The following PTGER3 variants were observed in gnomAD, a reference collection of about 807,000 sequenced individuals.
PTGER3 encodes the protein prostaglandin E receptor 3, also known as prostaglandin E2 receptor EP3 subtype.
A neutral mutation model predicts 34.7 loss-of-function variants in PTGER3; 22 were observed. The ratio of observed to expected loss-of-function variants is 0.63; its 90% CI spans 0.45 to 0.91. The LOEUF (loss-of-function observed/expected upper bound fraction) is 0.91. Ranked by LOEUF, PTGER3 falls within the 40% of genes least tolerant of loss-of-function variation. The probability of loss-of-function intolerance (pLI) is 0.00; values close to 1 mark genes in which losing one functional copy is unlikely to be tolerated. For synonymous variants in PTGER3, 241 were observed against 230.1 expected, an observed-to-expected ratio of 1.05 and a Z score of -0.43; for missense variants, 468 against 519.4, an observed-to-expected ratio of 0.90 and a Z score of 0.96.
At chr1:70,923,635 T>C (rs551967537) in intron 4 of PTGER3, among the ~76,000 whole-genome samples, 1 of 152,326 alleles carries the variant, frequency 6.6e-6, no homozygotes, top group East Asian at 1.9e-4. Context: ...TCTAAAGTAA[T>C]CTTTTAAATT....
chr1:70,870,773 G>A (rs910851764), intron 4 of PTGER3, among the ~76,000 whole-genome samples: 2 of 152,170 alleles, frequency 1.3e-5, no homozygotes, highest in African/African-American at 2.4e-5. Flanking sequence ...GGAATAACAA[G>A]GGTGACCTTT....
At chr1:71,008,835 T>C (rs1370382518) in intron 2 of PTGER3, 5 of 959,166 alleles carry the variant, frequency 5.2e-6, no homozygotes, top group Non-Finnish European at 5.0e-6. Context: ...AAATTTTAAT[T>C]CTTCAAGTTA....
At chr1:70,905,275 C>T (rs1373261526) in intron 4 of PTGER3, among the ~76,000 whole-genome samples, 4 of 152,078 alleles carry the variant, frequency 2.6e-5, no homozygotes, top group Non-Finnish European at 4.4e-5. Flanking sequence ...AGAAGGGAAA[C>T]GTGGGGTCAG....
chr1:70,862,522 G>A lies in PTGER3; in HGVS notation c.*24-9663C>T, dbSNP rs190557151. 281 of 485,768 alleles carry A rather than the reference G, an allele frequency of 5.8e-4. 2 individuals are homozygous for A. The highest frequency in any genetic ancestry group is 4.8e-3 in the African/African-American group (240 of 50,196). The allele number at this position is 485,768 out of a possible 1,614,324, so 30.1% of individuals were successfully genotyped here. A position where few individuals can be genotyped will look rare whatever the true frequency, so the allele number is the denominator to read the frequency against. On this transcript the variant is annotated intron_variant, in intron 4 of 4. Coordinates refer to the PTGER3 transcript ENST00000370931. ...AACTATAGGGAATTAAGGGAGGACA[G>A]GGGAGAGTCTCATGGCTTTGACTTA...
chr1:70,896,966 C>G (rs953081050), intron 4 of PTGER3, among the ~76,000 whole-genome samples: 2 of 152,244 alleles, frequency 1.3e-5, no homozygotes, highest in Admixed American at 1.3e-4. Context: ...GAGTAAAACT[C>G]TAGGCACTCC....
intron 4 of PTGER3, among the ~76,000 whole-genome samples, chr1:70,864,281 TA>T (rs1421258036): frequency 1.3e-5 from 2 of 152,190 alleles, no homozygotes; most frequent in African/African-American, 4.8e-5. Flanking sequence ...ATCAGGTAAT[TA>T]ATGTGCTGTT....
chr1:70,852,486 G>T (rs2100415536), exon 5 of PTGER3: 1 of 320,288 alleles, frequency 3.1e-6, no homozygotes, highest in East Asian at 8.0e-5. Flanking sequence ...ATACTCTATA[G>T]CGGTTAAAAT....
intron 3 of PTGER3, among the ~76,000 whole-genome samples, chr1:70,953,349 A>G (rs1410334546): frequency 6.6e-6 from 1 of 152,000 alleles, no homozygotes; most frequent in Non-Finnish European, 1.5e-5. Flanking sequence ...GAACAACCAT[A>G]CTTCTTTAGG....
chr1:71,047,615 G>C lies in PTGER3; in HGVS notation c.-38C>G. ...GTGAGGAGGGGATGGCGTCCAGAGA[G>C]CCGCAGCGGGAGGGGGCAGACGCGG... On this transcript the variant is annotated 5_prime_UTR_variant, in exon 1 of 4. Coordinates refer to ENST00000306666, the MANE Select transcript of PTGER3 (RefSeq NM_198719.2). The C allele has an allele frequency of 6.8e-7, 1 of 1,481,026 alleles. No individual in the cohort carries two copies. The highest frequency in any genetic ancestry group is 9.0e-7 in the Non-Finnish European group (1 of 1,110,916). The allele number at this position is 1,481,026 out of a possible 1,614,324, so 91.7% of individuals were successfully genotyped here.
At chr1:70,869,299 C>T (rs763414249) in intron 4 of PTGER3, 10 of 471,636 alleles carry the variant, frequency 2.1e-5, no homozygotes, top group East Asian at 2.1e-4. Flanking sequence ...GACAAAAACA[C>T]CTTCCATCAG....
chr1:71,007,244 T>C (rs1485523796), intron 2 of PTGER3: 4 of 985,274 alleles, frequency 4.1e-6, no homozygotes, highest in Admixed American at 1.2e-4. Context: ...AGTACTTACA[T>C]TCATTTGTTA....
At chr1:70,957,447 C>A (rs1651459081) in intron 2 of PTGER3, among the ~76,000 whole-genome samples, 1 of 152,126 alleles carries the variant, frequency 6.6e-6, no homozygotes, top group South Asian at 2.1e-4. Context: ...AATATCTTTC[C>A]CACCATGTGC....
intron 1 of PTGER3, among the ~76,000 whole-genome samples, chr1:71,023,439 C>T (rs1397903644): frequency 1.3e-5 from 2 of 151,800 alleles, no homozygotes; most frequent in Non-Finnish European, 2.9e-5. Context: ...TCTTAGAGAG[C>T]CTCCTCTTCT....
chr1:70,994,705 C>G (rs1008203199), intron 2 of PTGER3, among the ~76,000 whole-genome samples: 34 of 152,158 alleles, frequency 2.2e-4, no homozygotes, highest in Non-Finnish European at 4.1e-4. Context: ...ATCCACCCCC[C>G]TCAGCCTCCT....
At chr1:70,852,821 C>A (rs1277103260) in exon 5 of PTGER3, 1 of 1,612,922 alleles carries the variant, frequency 6.2e-7, no homozygotes, top group Non-Finnish European at 8.5e-7. Context: ...TGATGTGATC[C>A]TGGCAGAAAG....
At chr1:71,025,818 T>C (rs1658879115) in intron 1 of PTGER3, among the ~76,000 whole-genome samples, 1 of 152,206 alleles carries the variant, frequency 6.6e-6, no homozygotes. Flanking sequence ...AGTAAAATTG[T>C]GGGTTAAACC....
intron 4 of PTGER3, among the ~76,000 whole-genome samples, chr1:70,860,678 T>A (rs1382111432): frequency 6.6e-6 from 1 of 152,164 alleles, no homozygotes; most frequent in Non-Finnish European, 1.5e-5. Context: ...TCATTTCACT[T>A]AAAGTTGCAG....
intron 4 of PTGER3, among the ~76,000 whole-genome samples, chr1:70,945,844 A>G (rs1278140234): frequency 6.6e-6 from 1 of 152,236 alleles, no homozygotes; most frequent in South Asian, 2.1e-4. Flanking sequence ...TCATACTCTA[A>G]CCTAAAATTT....
At chr1:70,967,755 C>T (rs888877583), downstream of PTGER3, among the ~76,000 whole-genome samples, 2 of 151,976 alleles carry the variant, frequency 1.3e-5, no homozygotes, top group African/African-American at 4.8e-5. Flanking sequence ...AACTTTTTCT[C>T]TTAGTTTATC....
Sources: gnomAD v4.1 joint callset for allele counts (sites outside exome capture counted in the v4.1 genomes callset) on GRCh38, gnomAD v4.1.1 for gene constraint, MANE v1.5 for transcripts, NCBI Gene and HGNC (gene_info 2026-07-23, HGNC 2026-07-21) for gene names.